The following GBX1 variants were observed in gnomAD, a reference collection of about 807,000 sequenced individuals.
GBX1 encodes homeobox protein GBX-1.
In GBX1, 9 loss-of-function variants were observed where a neutral mutation model predicts 22.9. The observed-to-expected ratio is 0.39, with a 90% confidence interval of 0.24 to 0.69. GBX1 has a LOEUF of 0.69. Among genes scored for constraint, GBX1 ranks in the 30% least tolerant of loss-of-function variants. The pLI, the probability that GBX1 is intolerant of heterozygous loss-of-function variation, is 0.43. For synonymous variants in GBX1, 203 were observed against 227.3 expected, an observed-to-expected ratio of 0.89 and a Z score of 0.96; for missense variants, 494 against 509.2, an observed-to-expected ratio of 0.97 and a Z score of 0.29.
intron 1 of GBX1, among the ~76,000 whole-genome samples, 183 bp from the exon 2 acceptor site, chr7:151,149,325 G>T (rs1392377298): frequency 6.6e-6 from 1 of 152,194 alleles, no homozygotes; most frequent in Admixed American, 6.5e-5. Context: ...CCAGGATATG[G>T]AATGGGAAGA....
At chr7:151,158,468 T>G (rs1801159702) in intron 1 of GBX1, among the ~76,000 whole-genome samples, 1 of 151,802 alleles carries the variant, frequency 6.6e-6, no homozygotes, top group South Asian at 2.1e-4. Flanking sequence ...TTTTTGTTTT[T>G]TTTTTAATGG....
intron 1 of GBX1, among the ~76,000 whole-genome samples, chr7:151,162,686 T>C (rs1381935305): frequency 1.3e-5 from 2 of 152,190 alleles, no homozygotes; most frequent in African/African-American, 4.8e-5. Flanking sequence ...CTAACAAATA[T>C]ATATGGAGTA....
intron 1 of GBX1, among the ~76,000 whole-genome samples, chr7:151,154,808 C>T (rs1478787763): frequency 2.0e-5 from 3 of 152,158 alleles, no homozygotes; most frequent in East Asian, 1.9e-4. Context: ...AAGGCCATCT[C>T]GGTAATGGGT....
chr7:151,152,732 T>TC (rs1020289036), intron 1 of GBX1, among the ~76,000 whole-genome samples: 1 of 152,120 alleles, frequency 6.6e-6, no homozygotes, highest in Non-Finnish European at 1.5e-5. Flanking sequence ...GTATCATCCA[T>TC]CCCTCTGTCT....
rs1309970617 is a variant in GBX1 at position 151,167,033 on chromosome 7, T to G, written c.516A>C (p.Ser172=). Residue 172 remains serine, a synonymous_variant, in exon 1 of 2, where the codon TCA becomes TCC. Transcript: ENST00000297537. The surrounding 1 kb of genome is among the most constrained non-coding windows in gnomAD (Gnocchi z 5.9). ...TACCGGGCAGACTTGGAAAAGTCTC[T>G]GAGAAGTGCGGAGGCGGAGGTGGTG... The part of the protein sequence containing the change: ...EPPPPPPPHF[S]ETFPSLPAEG... The G allele has an allele frequency of 6.2e-7, 1 of 1,603,246 alleles. No homozygotes were observed. Among genetic ancestry groups the G allele is most frequent in the Non-Finnish European group, 8.5e-7 (1 of 1,176,424 alleles).
At position 151,148,335 on chromosome 7, in the gene GBX1, G is replaced by C. The variant is rs1285178155; in HGVS notation, c.*254C>G. ...CCACCTCAGTCCCAACAGCTCCTCAGCAATAGAACCCCAGCCCCTTTAACC... is the reference window on the plus strand; with the variant it reads ...CCACCTCAGTCCCAACAGCTCCTCACCAATAGAACCCCAGCCCCTTTAACC... On this transcript the variant is annotated 3_prime_UTR_variant, in exon 2 of 2. Coordinates refer to ENST00000297537, the MANE Select transcript of GBX1 (RefSeq NM_001098834.3). The surrounding 1 kb of genome is among the most constrained non-coding windows in gnomAD (Gnocchi z 5.1). Among the ~76,000 whole-genome samples, 1 of 151,988 alleles carries C rather than the reference G, an allele frequency of 6.6e-6. No individual in the cohort carries two copies. The highest frequency in any genetic ancestry group is 1.5e-5 in the Non-Finnish European group (1 of 68,010).
Position 151,167,294 on chromosome 7 carries a change from G to T in GBX1, c.255C>A (p.Asn85Lys). ...PLASFAGRLTNTFCAGLGQAV... is the reference protein window; with the variant it reads ...PLASFAGRLTKTFCAGLGQAV... Reference sequence around the variant, plus strand: ...CCTGACCCAGCCCCGCGCAGAAGGTGTTGGTAAGGCGGCCGGCGAAAGAGG... The same window carrying T: ...CCTGACCCAGCCCCGCGCAGAAGGTTTTGGTAAGGCGGCCGGCGAAAGAGG... Residue 85 changes from asparagine (N) to lysine (K), a missense_variant, in exon 1 of 2, where the codon AAC (asparagine) becomes AAA (lysine). Physicochemically the swap from Asn to Lys is moderately conservative, Grantham distance 94. Transcript: ENST00000297537. This position sits in a 1 kb window ranked among gnomAD's most constrained non-coding sequence, Gnocchi z 5.9. 6.5e-7 allele frequency: 1 copy of T among 1,530,914 alleles called. No homozygotes were observed. The highest frequency in any genetic ancestry group is 1.2e-5 in the South Asian group (1 of 81,340). 94.8% of individuals were successfully genotyped at this position (1,530,914 alleles called of 1,614,324 possible). A position where few individuals can be genotyped will look rare whatever the true frequency, so the allele number is the denominator to read the frequency against.
At chr7:151,150,884 C>A (rs1801072099) in intron 1 of GBX1, among the ~76,000 whole-genome samples, 2 of 152,156 alleles carry the variant, frequency 1.3e-5, no homozygotes. Flanking sequence ...AGGCACACAC[C>A]ATGCCTGGTT....
rs761511231 is a variant in GBX1, at chr7:151,167,141, G to A, written c.408C>T (p.Asn136=). ...AAAAATAARN[N]PEPGGRRPEG... ...CTGGGCGTCGGCCGCCTGGCTCGGG[G>A]TTGTTTCGGGCGGCAGTGGCGGCGG... Residue 136 remains asparagine (N), a synonymous_variant, in exon 1 of 2, where the codon AAC becomes AAT. Transcript: ENST00000297537. The surrounding 1 kb of genome is among the most constrained non-coding windows in gnomAD (Gnocchi z 5.9). 1.2e-6 allele frequency: 2 copies of A among 1,602,572 alleles called. No homozygotes were observed. Among genetic ancestry groups the A allele is most frequent in the South Asian group, 2.2e-5 (2 of 89,850 alleles).
intron 1 of GBX1, among the ~76,000 whole-genome samples, chr7:151,165,898 G>T (rs1801245224): frequency 6.6e-6 from 1 of 152,146 alleles, no homozygotes; most frequent in Non-Finnish European, 1.5e-5. Context: ...TTCCCTTCTT[G>T]TCTCTGTTCA....
intron 1 of GBX1, among the ~76,000 whole-genome samples, chr7:151,162,472 T>C (rs1801196493): frequency 2.0e-5 from 3 of 152,226 alleles, no homozygotes; most frequent in Admixed American, 2.0e-4. Flanking sequence ...TTTCAATTAT[T>C]ATTGCCAATC....
chr7:151,165,506 T>A (rs772507318), intron 1 of GBX1, among the ~76,000 whole-genome samples: 62 of 152,252 alleles, frequency 4.1e-4, no homozygotes, highest in Non-Finnish European at 8.2e-4. Context: ...GACCATCCTA[T>A]TCTGACAATC....
At chr7:151,149,689 C>T (rs1051964632) in intron 1 of GBX1, 1 of 317,014 alleles carries the variant, frequency 3.2e-6, no homozygotes, top group African/African-American at 2.3e-5. Context: ...AGCCTTTGCA[C>T]TTCTCCTAGG....
At chr7:151,162,259 A>G (rs775504560) in intron 1 of GBX1, among the ~76,000 whole-genome samples, 23 of 152,204 alleles carry the variant, frequency 1.5e-4, no homozygotes, top group Non-Finnish European at 2.9e-4. Flanking sequence ...TAACAACATA[A>G]TTCTCTAATT....
At chr7:151,164,308 C>A (rs1238417522) in intron 1 of GBX1, among the ~76,000 whole-genome samples, 8 of 152,212 alleles carry the variant, frequency 5.3e-5, no homozygotes. Context: ...TCTGTCATTT[C>A]ACTCCAAATA....
At chr7:151,160,091 A>C (rs955726682) in intron 1 of GBX1, among the ~76,000 whole-genome samples, 6 of 152,234 alleles carry the variant, frequency 3.9e-5, no homozygotes, top group African/African-American at 1.4e-4. Context: ...TTTTAAAAGA[A>C]ATAATTCATT....
intron 1 of GBX1, among the ~76,000 whole-genome samples, chr7:151,162,511 A>G (rs545186218): frequency 3.8e-4 from 58 of 152,314 alleles, no homozygotes; most frequent in Admixed American, 7.2e-4. Context: ...AATCTTTTTA[A>G]GCTTAGTTTA....
chr7:151,166,376 T>G (rs1242432269), intron 1 of GBX1, among the ~76,000 whole-genome samples: 1 of 151,900 alleles, frequency 6.6e-6, no homozygotes, highest in Non-Finnish European at 1.5e-5. Context: ...CAGCGTGTGC[T>G]AGGCCTCCTG....
chr7:151,152,300 C>A (rs1223044712), intron 1 of GBX1, among the ~76,000 whole-genome samples: 2 of 152,124 alleles, frequency 1.3e-5, no homozygotes, highest in Non-Finnish European at 2.9e-5. Flanking sequence ...CCGCCCAGCT[C>A]CAGTGCATAA....
Sources: allele counts gnomAD v4.1 joint callset (sites outside exome capture counted in the v4.1 genomes callset), GRCh38; gene constraint gnomAD v4.1.1; non-coding constraint Gnocchi (gnomAD v3.1); transcripts MANE v1.5; gene names NCBI Gene and HGNC (gene_info 2026-07-23, HGNC 2026-07-21).